Variants in SPECC1 observed in about 807,000 individuals in gnomAD.
The protein encoded by SPECC1 is cytospin-B.
In SPECC1, 62 loss-of-function variants were observed where a neutral mutation model predicts 104.1. The observed-to-expected ratio is 0.60, with a 90% CI of 0.49 to 0.74. The LOEUF (loss-of-function observed/expected upper bound fraction) is 0.74, where lower values mean the gene tolerates loss of function less well. SPECC1 is among the 30% of genes least tolerant of loss of function. The pLI is 0.00. For synonymous variants in SPECC1, 513 were observed against 501.6 expected, an observed-to-expected ratio of 1.02 and a Z score of -0.30; for missense variants, 1,306 against 1,310.5, an observed-to-expected ratio of 1.00 and a Z score of 0.05.
intron 3 of SPECC1, among the ~76,000 whole-genome samples, chr17:20,196,297 C>T (rs1360075194): frequency 6.6e-6 from 1 of 152,144 alleles, no homozygotes; most frequent in African/African-American, 2.4e-5. Context: ...TTGGTGAAAA[C>T]CCTGGTTAGT....
intron 12 of SPECC1, among the ~76,000 whole-genome samples, chr17:20,285,484 T>A (rs1418434466): frequency 6.6e-6 from 1 of 152,196 alleles, no homozygotes; most frequent in Admixed American, 6.5e-5. Context: ...GTTACCCTTT[T>A]ATTAAACATC....
intron 13 of SPECC1, among the ~76,000 whole-genome samples, 158 bp downstream of exon 13, chr17:20,297,235 T>C (rs762711714): frequency 6.6e-6 from 1 of 152,202 alleles, no homozygotes; most frequent in Admixed American, 6.5e-5. Context: ...CACCGTGGAA[T>C]CCCATCCTCA....
Position 20,314,336 on chromosome 17 carries a change from C to A in SPECC1, c.*271C>A. On this transcript the variant is annotated 3_prime_UTR_variant, in exon 15 of 15. Coordinates refer to ENST00000395527, the MANE Select transcript of SPECC1 (RefSeq NM_001243439.2). ...AGAGGGCAGCCTCCCTCCTTCCAGA[C>A]CAAGACCCCACACCCAGGCTTGTTT... The A allele has an allele frequency of 4.4e-6, 2 of 457,112 alleles. No individual in the cohort carries two copies. The highest frequency in any genetic ancestry group is 1.2e-3 in the Middle Eastern group (2 of 1,712). 28.3% of individuals were successfully genotyped at this position (457,112 alleles called of 1,614,324 possible). A position where few individuals can be genotyped will look rare whatever the true frequency, so the allele number is the denominator to read the frequency against.
chr17:20,085,360 C>A (rs909916526), intron 1 of SPECC1, among the ~76,000 whole-genome samples: 1 of 152,184 alleles, frequency 6.6e-6, no homozygotes, highest in African/African-American at 2.4e-5. Context: ...CCATAGGGGG[C>A]AGCGGAAGTG....
rs578066836 is a variant in SPECC1, at chr17:20,125,162, A to G, written c.283+14600A>G. ...GCCACTGCACTCCAGCCTGGGCGAC[A>G]GAGCGAGACTCCATCTCAAAAAACA... On this transcript the variant is annotated intron_variant, in intron 3 of 14. Transcript: ENST00000395527. Among the ~76,000 whole-genome samples, 7 of 152,088 alleles carry G rather than the reference A, an allele frequency of 4.6e-5. No individual in the cohort carries two copies. In the South Asian group the frequency reaches 1.2e-3, roughly 27 times the overall value.
chr17:20,223,447 G>A (rs1303982464), intron 4 of SPECC1, among the ~76,000 whole-genome samples: 1 of 152,024 alleles, frequency 6.6e-6, no homozygotes, highest in Non-Finnish European at 1.5e-5. Flanking sequence ...AGGCCGGAGT[G>A]GGCAGATCAC....
intron 3 of SPECC1, among the ~76,000 whole-genome samples, chr17:20,156,882 A>T (rs2032617440): frequency 6.6e-6 from 1 of 151,972 alleles, no homozygotes; most frequent in Admixed American, 6.5e-5. Context: ...AAAACGAAAC[A>T]TTTCTGGACT....
At chr17:20,313,607 G>T (rs1194841359) in intron 14 of SPECC1, among the ~76,000 whole-genome samples, 2 of 152,234 alleles carry the variant, frequency 1.3e-5, no homozygotes, top group Non-Finnish European at 2.9e-5. Flanking sequence ...CGTGCAGTGT[G>T]CTGGGAGTCT....
intron 3 of SPECC1, among the ~76,000 whole-genome samples, chr17:20,203,558 A>G (rs2036572417): frequency 6.6e-6 from 1 of 152,204 alleles, no homozygotes; most frequent in Admixed American, 6.5e-5. Context: ...TGAGTACATC[A>G]TTTCCACTTA....
chr17:20,269,192 G>A (rs541369794), intron 12 of SPECC1, among the ~76,000 whole-genome samples: 6 of 152,338 alleles, frequency 3.9e-5, no homozygotes, highest in South Asian at 2.1e-4. Flanking sequence ...GGCCTGGGAC[G>A]GCTCTCTTTA....
At chr17:20,036,012 C>T (rs2045061905) in intron 1 of SPECC1, among the ~76,000 whole-genome samples, 1 of 152,068 alleles carries the variant, frequency 6.6e-6, no homozygotes, top group Non-Finnish European at 1.5e-5. Flanking sequence ...GGGGTTTCAC[C>T]ATGTTGGTCA....
chr17:20,183,844 C>T (rs1250045962), intron 3 of SPECC1, among the ~76,000 whole-genome samples: 1 of 151,740 alleles, frequency 6.6e-6, no homozygotes, highest in African/African-American at 2.4e-5. Context: ...TATGGAAGGC[C>T]GACTATATCA....
chr17:20,215,055 C>G (rs1212195267), intron 4 of SPECC1, among the ~76,000 whole-genome samples: 2 of 152,260 alleles, frequency 1.3e-5, no homozygotes, highest in African/African-American at 2.4e-5. Flanking sequence ...AGGCTGCTGT[C>G]AGCAACTGCC....
At chr17:20,163,055 A>G (rs1387939861) in intron 3 of SPECC1, among the ~76,000 whole-genome samples, 2 of 152,242 alleles carry the variant, frequency 1.3e-5, no homozygotes, top group African/African-American at 4.8e-5. Flanking sequence ...GTGAAGATGC[A>G]TACATCAAAT....
chr17:20,167,832 TATA>T (rs1261183133), intron 3 of SPECC1, among the ~76,000 whole-genome samples: 2 of 152,344 alleles, frequency 1.3e-5, no homozygotes, highest in Admixed American at 1.3e-4. Context: ...TTACAGAGGA[TATA>T]ATAAGATATG....
intron 1 of SPECC1, among the ~76,000 whole-genome samples, chr17:20,078,507 A>T (rs1468482027): frequency 6.6e-6 from 1 of 152,206 alleles, no homozygotes; most frequent in African/African-American, 2.4e-5. Flanking sequence ...CACATTGGCA[A>T]AAATGGAAAA....
At chr17:20,064,748 C>T (rs2046305242) in intron 1 of SPECC1, among the ~76,000 whole-genome samples, 1 of 152,142 alleles carries the variant, frequency 6.6e-6, no homozygotes, top group African/African-American at 2.4e-5. Context: ...TACAGAAAGC[C>T]CTTGCCTTTA....
chr17:20,249,282 G>A lies in SPECC1; in HGVS notation c.2598+1963G>A, dbSNP rs528845812. ...AAAATACAAAAATCAACTGGGCATG[G>A]TGGTGTGTGCCTGTTGTCCCAGCCA... On this transcript the variant is annotated intron_variant, in intron 9 of 14. Coordinates refer to ENST00000395527, the MANE Select transcript of SPECC1 (RefSeq NM_001243439.2). 1.3e-4 allele frequency among the ~76,000 whole-genome samples: 20 copies of A among 152,218 alleles called. No homozygotes were observed. The South Asian group carries it at 4.1e-3, about 32-fold the overall frequency.
chr17:20,234,236 A>T (rs760319736), intron 7 of SPECC1, among the ~76,000 whole-genome samples: 2 of 152,130 alleles, frequency 1.3e-5, no homozygotes, highest in Non-Finnish European at 2.9e-5. Context: ...CCAATCTAAC[A>T]GTTTAATCCC....
Sources: gnomAD v4.1 joint callset for allele counts (sites outside exome capture counted in the v4.1 genomes callset) on GRCh38, gnomAD v4.1.1 for gene constraint, MANE v1.5 for transcripts, NCBI Gene and HGNC (gene_info 2026-07-23, HGNC 2026-07-21) for gene names.